The following DGKB variants were observed in gnomAD, a reference collection of about 807,000 sequenced individuals.
DGKB encodes the protein diacylglycerol kinase beta, also known as 90 kDa diacylglycerol kinase.
A neutral mutation model predicts 114.3 loss-of-function variants in DGKB; 67 were observed. The observed-to-expected ratio is 0.59, with a 90% CI of 0.48 to 0.72. DGKB has a LOEUF of 0.72. DGKB is among the 30% of genes least tolerant of loss of function. The pLI, the probability that DGKB is intolerant of heterozygous loss-of-function variation, is 0.00. For missense variants in DGKB, 907 were observed against 975.2 expected (o/e 0.93, Z 0.93); for synonymous variants, 398 against 323.1 (o/e 1.23, Z -2.49).
intron 23 of DGKB, among the ~76,000 whole-genome samples, chr7:14,202,475 C>G (rs752270653): frequency 1.3e-5 from 2 of 151,928 alleles, no homozygotes; most frequent in Admixed American, 1.3e-4. Flanking sequence ...ACTCCTTTGC[C>G]GTGACTAACT....
rs1312244836 is a variant in DGKB at position 14,316,278 on chromosome 7, A to G, written c.2122+22237T>C. On this transcript the variant is annotated intron_variant, in intron 23 of 25. Transcript: ENST00000402815. ...AGCTAGCAGAAGGCAAGAAATAACT[A>G]AAATCAGAGCAGAACTGAAGGAAAT... Among the ~76,000 whole-genome samples the G allele has an allele frequency of 4.8e-3, 717 of 150,442 alleles. 6 individuals are homozygous for G. The highest frequency in any genetic ancestry group is 0.017 in the African/African-American group (684 of 40,696).
intron 23 of DGKB, among the ~76,000 whole-genome samples, chr7:14,248,580 G>A (rs59308827): frequency 0.023 from 3,433 of 151,710 alleles, 125 homozygotes; most frequent in African/African-American, 0.079. Context: ...TTTTGACTTT[G>A]TTCCTAAATA....
intron 21 of DGKB, among the ~76,000 whole-genome samples, chr7:14,376,184 A>T (rs1202717588): frequency 6.6e-6 from 1 of 152,178 alleles, no homozygotes; most frequent in Non-Finnish European, 1.5e-5. Flanking sequence ...GTGGCCTGTC[A>T]GCCAGGGTTG....
intron 1 of DGKB, among the ~76,000 whole-genome samples, chr7:14,873,292 G>A (rs1014522629): frequency 3.3e-5 from 5 of 151,890 alleles, no homozygotes; most frequent in African/African-American, 1.2e-4. Context: ...ACTTAGTTTA[G>A]CCCATTTTTA....
At chr7:14,660,851 C>T (rs189320264) in intron 13 of DGKB, among the ~76,000 whole-genome samples, 353 of 152,116 alleles carry the variant, frequency 2.3e-3, no homozygotes, top group African/African-American at 7.5e-3. Flanking sequence ...GGTACCAAAA[C>T]AGAGATATAG....
At chr7:14,681,299 G>A (rs909218397) in intron 12 of DGKB, among the ~76,000 whole-genome samples, 17 of 152,012 alleles carry the variant, frequency 1.1e-4, no homozygotes, top group African/African-American at 3.9e-4. Context: ...AATTTCAAAT[G>A]TAAACATAAT....
At chr7:14,955,132 C>T (rs1352858015) in intron 1 of DGKB, among the ~76,000 whole-genome samples, 3 of 151,910 alleles carry the variant, frequency 2.0e-5, no homozygotes, top group Non-Finnish European at 2.9e-5. Context: ...AAAAAAATTG[C>T]TGAGAAATAG....
intron 21 of DGKB, among the ~76,000 whole-genome samples, chr7:14,347,392 A>G (rs1812660607): frequency 6.6e-6 from 1 of 152,044 alleles, no homozygotes; most frequent in Non-Finnish European, 1.5e-5. Flanking sequence ...AGTTTCCTCA[A>G]AAAATTAAAA....
chr7:14,520,357 T>C (rs1354024513), intron 20 of DGKB, among the ~76,000 whole-genome samples: 1 of 151,670 alleles, frequency 6.6e-6, no homozygotes, highest in African/African-American at 2.4e-5. Flanking sequence ...GTTTATTATT[T>C]TCTTCCTTCT....
chr7:14,251,085 C>T (rs924626377), intron 23 of DGKB, among the ~76,000 whole-genome samples: 7 of 152,112 alleles, frequency 4.6e-5, no homozygotes, highest in African/African-American at 1.7e-4. Flanking sequence ...ATCCATTCAG[C>T]CCCTCTAGGT....
chr7:14,458,113 G>C (rs2128861462), intron 21 of DGKB, among the ~76,000 whole-genome samples: 1 of 152,114 alleles, frequency 6.6e-6, no homozygotes, highest in East Asian at 1.9e-4. Context: ...TCTCTTTCTG[G>C]AATTAGGAAT....
At position 14,147,236 on chromosome 7, in the gene DGKB, T is replaced by A. The variant is rs1305159319; in HGVS notation, c.*1895A>T. 6.6e-6 allele frequency: 1 copy of A among 152,156 alleles called. No homozygotes were observed. Among genetic ancestry groups the A allele is most frequent in the Non-Finnish European group, 1.5e-5 (1 of 67,998 alleles). The allele number at this position is 152,156 out of a possible 1,614,324, so 9.4% of individuals were successfully genotyped here. ...CTCTTCTGCCAAACAACTTTTTTAT[T>A]TTATACCAGCGCAAGTGATTGCTGT... On this transcript the variant is annotated 3_prime_UTR_variant, in exon 26 of 26. Coordinates refer to ENST00000402815, the MANE Select transcript of DGKB (RefSeq NM_001350709.2).
chr7:14,800,976 T>C (rs958470411), intron 2 of DGKB, among the ~76,000 whole-genome samples: 1 of 152,090 alleles, frequency 6.6e-6, no homozygotes, highest in Admixed American at 6.6e-5. Flanking sequence ...AGAAGGTAGC[T>C]ATAAACACCA....
chr7:14,509,045 A>C (rs546215102), intron 20 of DGKB, among the ~76,000 whole-genome samples: 1 of 152,160 alleles, frequency 6.6e-6, no homozygotes, highest in Non-Finnish European at 1.5e-5. Context: ...GAAATTACTT[A>C]AATTCCAGCA....
intron 2 of DGKB, among the ~76,000 whole-genome samples, chr7:14,796,854 G>T (rs76226639): frequency 0.11 from 16,237 of 152,034 alleles, 1,051 homozygotes; most frequent in African/African-American, 0.18. Context: ...CAAGAATTTT[G>T]ATAGGAAATC....
chr7:14,967,223 G>T (rs1219347310), intron 1 of DGKB, among the ~76,000 whole-genome samples: 2 of 152,110 alleles, frequency 1.3e-5, no homozygotes, highest in East Asian at 3.9e-4. Context: ...GAAAATCTAG[G>T]AGGATTTCAA....
chr7:14,209,031 C>G, intron 23 of DGKB: 1 of 162,916 alleles, frequency 6.1e-6, no homozygotes, highest in South Asian at 1.6e-4. Context: ...TATCGACATA[C>G]TTGCATACAT....
chr7:14,757,533 A>C (rs1163730349), intron 3 of DGKB, 122 bp downstream of exon 3: 1 of 573,550 alleles, frequency 1.7e-6, no homozygotes, highest in African/African-American at 2.0e-5. Context: ...ATACATATAT[A>C]ATGTATATGT....
chr7:14,921,115 G>A lies in DGKB; in HGVS notation c.-188+53581C>T, dbSNP rs755269675. ...CTCACCTCCTCCCATCTGACATTTC[G>A]AAAAGGCAAAACTAGAGAGATAGTA... On this transcript the variant is annotated intron_variant, in intron 1 of 4. Coordinates refer to the DGKB transcript ENST00000437998. Among the ~76,000 whole-genome samples the A allele has an allele frequency of 2.0e-5, 3 of 151,976 alleles. No homozygotes were observed. In the South Asian group the frequency reaches 6.2e-4, roughly 31 times the overall value.
Sources: allele counts gnomAD v4.1 joint callset (sites outside exome capture counted in the v4.1 genomes callset), GRCh38; gene constraint gnomAD v4.1.1; transcripts MANE v1.5; gene names NCBI Gene and HGNC (gene_info 2026-07-23, HGNC 2026-07-21).